The following EPS8L3 variants were observed in gnomAD, a reference collection of about 807,000 sequenced individuals.
EPS8L3 encodes EPS8 signaling adaptor L3, also known as epidermal growth factor receptor kinase substrate 8-like protein 3.
EPS8L3 carries 80 observed loss-of-function variants against 88.5 expected under a neutral mutation model. The ratio of observed to expected loss-of-function variants is 0.90; its 90% confidence interval spans 0.75 to 1.09. The LOEUF (loss-of-function observed/expected upper bound fraction) is 1.09, where lower values mean the gene tolerates loss of function less well. Among genes scored for constraint, EPS8L3 ranks in the 50% least tolerant of loss-of-function variants. The pLI is 0.00. For missense variants in EPS8L3, 721 were observed against 735.2 expected, an observed-to-expected ratio of 0.98 and a Z score of 0.22; for synonymous variants, 286 against 291.0, an observed-to-expected ratio of 0.98 and a Z score of 0.18.
chr1:109,759,977 G>A lies in EPS8L3; in HGVS notation c.97-141C>T. Reference sequence around the variant, plus strand: ...TAGGAGGTTCCAGGCTTCAGATAAAGCAACTTTCCAGGGCCAATGTGAGGG... The same window carrying A: ...TAGGAGGTTCCAGGCTTCAGATAAAACAACTTTCCAGGGCCAATGTGAGGG... On this transcript the variant is annotated intron_variant, in intron 3 of 18. Transcript: ENST00000361965. This position sits in a 1 kb window ranked among gnomAD's most constrained non-coding sequence, Gnocchi z 4.2. The A allele has an allele frequency of 1.1e-6, 1 of 885,144 alleles. No homozygotes were observed. Among genetic ancestry groups the A allele is most frequent in the Non-Finnish European group, 1.7e-6 (1 of 592,988 alleles). 54.8% of individuals were successfully genotyped at this position (885,144 alleles called of 1,614,324 possible).
At chr1:109,761,426 C>T (rs1570706918) in intron 3 of EPS8L3, 69 bp downstream of exon 3, 3 of 1,389,400 alleles carry the variant, frequency 2.2e-6, no homozygotes, top group Non-Finnish European at 3.0e-6. Flanking sequence ...CATGTTCTGG[C>T]AGGGCGGTGG....
rs768246585 is a variant in EPS8L3, at chr1:109,758,425, G to A, written c.608C>T (p.Pro203Leu). Residue 203 changes from proline to leucine, a missense_variant, in exon 8 of 19, where the codon CCA becomes CTA. Transcript: ENST00000361965. ...PHQRTLEHSL[P>L]PSPRPLPRHT... is the part of the protein sequence containing the mutation. ...GCGTGGCAGGGGCCTTGGGGATGGT[G>A]GGAGGCCTGCAGTGTAAGGGGACCA... is the stretch of plus-strand genomic sequence containing the variant. 17 of 1,605,034 alleles carry A rather than the reference G, an allele frequency of 1.1e-5. No homozygotes were observed. Among genetic ancestry groups the A allele is most frequent in the Non-Finnish European group, 1.4e-5 (16 of 1,175,640 alleles).
intron 12 of EPS8L3, among the ~76,000 whole-genome samples, chr1:109,754,922 A>G (rs765802939): frequency 3.3e-5 from 5 of 152,332 alleles, no homozygotes; most frequent in African/African-American, 4.8e-5. Flanking sequence ...TCCAGAACTG[A>G]TAAGTAATTT....
Position 109,751,719 on chromosome 1 carries a change from G to A in EPS8L3, c.1498C>T (p.Pro500Ser). The A allele has an allele frequency of 1.9e-6, 3 of 1,613,856 alleles. No individual in the cohort carries two copies. Among genetic ancestry groups the A allele is most frequent in the Non-Finnish European group, 2.5e-6 (3 of 1,179,986 alleles). Residue 500 changes from proline (P) to serine (S), a missense_variant, in exon 16 of 19, where the codon CCA (proline) becomes TCA (serine). Transcript: ENST00000361965. ...TGTAGGGGCTCCAGGATGTTGCTTG[G>A]AATGTAGCCGCTCCGTCCCGCCTCA... ...KNEAGRSGYI[P>S]SNILEPLQPG...
rs147582298 is a variant in EPS8L3, at chr1:109,755,163, T to C, written c.1118+1854A>G. ...GACAAATATTGTATGATTTCACTTA[T>C]ATGAGGTTCCTAGAACAGGCAACAT... On this transcript the variant is annotated intron_variant, in intron 12 of 18. Transcript: ENST00000361965. 5.2e-3 allele frequency among the ~76,000 whole-genome samples: 786 copies of C among 152,320 alleles called. 6 individuals carry two copies. Among genetic ancestry groups the C allele is most frequent in the African/African-American group, 0.018 (750 of 41,566 alleles).
Position 109,759,955 on chromosome 1 carries a change from G to A in EPS8L3, c.97-119C>T. On this transcript the variant is annotated intron_variant, in intron 3 of 18. Coordinates refer to ENST00000361965, the MANE Select transcript of EPS8L3 (RefSeq NM_133181.4). This position sits in a 1 kb window ranked among gnomAD's most constrained non-coding sequence, Gnocchi z 4.2. Reference sequence around the variant, plus strand: ...CGTGTCCTCGGCCCCCTTGAGGTAGGAGGTTCCAGGCTTCAGATAAAGCAA... The same window carrying A: ...CGTGTCCTCGGCCCCCTTGAGGTAGAAGGTTCCAGGCTTCAGATAAAGCAA... The A allele has an allele frequency of 9.0e-7, 1 of 1,109,528 alleles. No individual in the cohort carries two copies. The highest frequency in any genetic ancestry group is 2.5e-5 in the Admixed American group (1 of 39,528). The allele number at this position is 1,109,528 out of a possible 1,614,324, so 68.7% of individuals were successfully genotyped here.
intron 12 of EPS8L3, among the ~76,000 whole-genome samples, chr1:109,753,656 C>T (rs557289310): frequency 6.6e-5 from 10 of 152,182 alleles, no homozygotes; most frequent in African/African-American, 1.2e-4. Flanking sequence ...AGACAGCAGC[C>T]GAGCTGCTCC....
intron 12 of EPS8L3, among the ~76,000 whole-genome samples, chr1:109,753,517 A>G (rs1650003557): frequency 6.6e-6 from 1 of 152,244 alleles, no homozygotes; most frequent in Non-Finnish European, 1.5e-5. Flanking sequence ...TAGTAGAACT[A>G]CAAGAGCTTT....
Position 109,751,729 on chromosome 1 carries a change from G to A in EPS8L3, c.1488C>T (p.Ser496=), listed in dbSNP as rs753364451. The change falls in exon 16 of 19, where the codon AGC becomes AGT. Residue 496 remains serine (S), a synonymous_variant. Coordinates refer to ENST00000361965, the MANE Select transcript of EPS8L3 (RefSeq NM_133181.4). ...CCAGGATGTTGCTTGGAATGTAGCCGCTCCGTCCCGCCTCATTCTTCACCA... is the reference window on the plus strand; with the variant it reads ...CCAGGATGTTGCTTGGAATGTAGCCACTCCGTCCCGCCTCATTCTTCACCA... ...WWLVKNEAGR[S]GYIPSNILEP... The A allele has an allele frequency of 1.6e-5, 26 of 1,613,556 alleles. No individual in the cohort carries two copies. In the South Asian group the frequency reaches 2.1e-4, roughly 13 times the overall value.
Position 109,753,154 on chromosome 1 carries a change from A to T in EPS8L3, c.1163T>A (p.Phe388Tyr), listed in dbSNP as rs761386703. 3 of 1,613,302 alleles carry T rather than the reference A, an allele frequency of 1.9e-6. No homozygotes were observed. Among genetic ancestry groups the T allele is most frequent in the Non-Finnish European group, 2.5e-6 (3 of 1,179,700 alleles). The change falls in exon 13 of 19, where the codon TTC becomes TAC. Residue 388 changes from phenylalanine to tyrosine, a missense_variant. Coordinates refer to ENST00000361965, the MANE Select transcript of EPS8L3 (RefSeq NM_133181.4). ...CTCTGGAAGTTGCCAGTCATCTGAG[A>T]ATGTGGGTTGGTAGGGCAGGGGCTC... ...GDEPLPYQPT[F>Y]SDDWQLPEPS...
At chr1:109,753,524 C>G (rs937832673) in intron 12 of EPS8L3, among the ~76,000 whole-genome samples, 1 of 152,198 alleles carries the variant, frequency 6.6e-6, no homozygotes, top group African/African-American at 2.4e-5. Flanking sequence ...ACTACAAGAG[C>G]TTTTGGGCTG....
intron 15 of EPS8L3, 78 bp downstream of exon 15, chr1:109,751,917 C>A: frequency 6.4e-7 from 1 of 1,565,638 alleles, no homozygotes; most frequent in South Asian, 1.2e-5. Context: ...CAGCTCCATC[C>A]CTGGACCATC....
In EPS8L3 at chr1:109,753,110, C is replaced by T. The variant is rs1476877394; in HGVS notation, c.1200+7G>A. ...GTGGGTAGGGCTCTATGCCAAGCTC[C>T]CCTTACTTGGCTGGAGGGCTCTGGA... On this transcript the variant is annotated splice_region_variant and intron_variant, in intron 13 of 18. Transcript: ENST00000361965. 2 of 1,611,604 alleles carry T rather than the reference C, an allele frequency of 1.2e-6. No individual in the cohort carries two copies. The highest frequency in any genetic ancestry group is 1.7e-5 in the Admixed American group (1 of 59,906).
intron 12 of EPS8L3, among the ~76,000 whole-genome samples, chr1:109,753,806 A>G (rs1252413160): frequency 6.6e-6 from 1 of 152,178 alleles, no homozygotes; most frequent in African/African-American, 2.4e-5. Flanking sequence ...TGCCCAGGGA[A>G]TGCCCATTCA....
chr1:109,758,413 C>T lies in EPS8L3; in HGVS notation c.620G>A (p.Arg207Lys). Residue 207 changes from arginine to lysine, a missense_variant, in exon 8 of 19, where the codon AGG becomes AAG. Transcript: ENST00000361965. ...TLEHSLPPSP[R>K]PLPRHTSARE... The stretch of plus-strand genomic sequence containing the variant: ...GGCACTGGTGTGGCGTGGCAGGGGC[C>T]TTGGGGATGGTGGGAGGCCTGCAGT... 6.2e-7 allele frequency: 1 copy of T among 1,608,934 alleles called. No homozygotes were observed. Among genetic ancestry groups the T allele is most frequent in the Non-Finnish European group, 8.5e-7 (1 of 1,177,406 alleles).
Position 109,759,329 on chromosome 1 carries a change from G to T in EPS8L3, c.314C>A (p.Thr105Lys). 1 of 1,614,190 alleles carries T rather than the reference G, an allele frequency of 6.2e-7. No individual in the cohort carries two copies. Among genetic ancestry groups the T allele is most frequent in the Non-Finnish European group, 8.5e-7 (1 of 1,180,038 alleles). ...SIQAMNVALNTCSYNSILSIT... is the reference protein window; with the variant it reads ...SIQAMNVALNKCSYNSILSIT... Reference sequence around the variant, plus strand: ...GGACAGGATGGAGTTGTAGGAACATGTGTTGAGCGCCACATTCATGGCCTG... The same window carrying T: ...GGACAGGATGGAGTTGTAGGAACATTTGTTGAGCGCCACATTCATGGCCTG... The change falls in exon 5 of 19, where the codon ACA becomes AAA. Residue 105 changes from threonine (T) to lysine (K), a missense_variant. Physicochemically the swap from Thr to Lys is moderately conservative, Grantham distance 78. Transcript: ENST00000361965. This position sits in a 1 kb window ranked among gnomAD's most constrained non-coding sequence, Gnocchi z 4.2.
chr1:109,753,621 T>A (rs1399897856), intron 12 of EPS8L3, among the ~76,000 whole-genome samples: 2 of 152,322 alleles, frequency 1.3e-5, no homozygotes, highest in East Asian at 3.9e-4. Context: ...AGCTAAATTG[T>A]CTGTGGATTT....
intron 10 of EPS8L3, 71 bp from the exon 11 acceptor site, chr1:109,757,626 T>C: frequency 1.3e-6 from 2 of 1,495,548 alleles, no homozygotes; most frequent in Admixed American, 1.8e-5. Context: ...CCATAATTGT[T>C]TTATGCCTTG....
In EPS8L3 at chr1:109,759,854, G is replaced by A; in HGVS notation, c.97-18C>T. 1 of 1,611,974 alleles carries A rather than the reference G, an allele frequency of 6.2e-7. No homozygotes were observed. Among genetic ancestry groups the A allele is most frequent in the East Asian group, 2.2e-5 (1 of 44,870 alleles). ...ATCAAGTGCTGCAGGGAGAGGGGGAGTCCTAGGACTGGGAGAAAGCTCAGA... is the reference window on the plus strand; with the variant it reads ...ATCAAGTGCTGCAGGGAGAGGGGGAATCCTAGGACTGGGAGAAAGCTCAGA... On this transcript the variant is annotated intron_variant, in intron 3 of 18. Transcript: ENST00000361965. The surrounding 1 kb of genome is among the most constrained non-coding windows in gnomAD (Gnocchi z 4.2).
Sources: gnomAD v4.1 joint callset for allele counts (sites outside exome capture counted in the v4.1 genomes callset) on GRCh38, gnomAD v4.1.1 for gene constraint, Gnocchi (gnomAD v3.1) non-coding constraint, MANE v1.5 for transcripts, NCBI Gene and HGNC (gene_info 2026-07-23, HGNC 2026-07-21) for gene names.